The following ABCA9 variants were observed in gnomAD, a reference collection of about 807,000 sequenced individuals.
ABCA9 encodes the protein ATP-binding cassette sub-family A member 9.
ABCA9 carries 183 observed loss-of-function variants against 205.3 expected under a neutral mutation model. The observed-to-expected ratio is 0.89, with a 90% confidence interval of 0.79 to 1.01. The LOEUF (loss-of-function observed/expected upper bound fraction) is 1.01. Among genes scored for constraint, ABCA9 ranks in the 50% least tolerant of loss-of-function variants. ABCA9 has a pLI of 0.00. For synonymous variants in ABCA9, 651 were observed against 683.3 expected, an observed-to-expected ratio of 0.95 and a Z score of 0.74; for missense variants, 1,805 against 1,912.4, an observed-to-expected ratio of 0.94 and a Z score of 1.05.
In ABCA9 at chr17:69,021,789, T is replaced by C. The variant is rs17684521; in HGVS notation, c.2354A>G (p.Asn785Ser). 60,342 of 1,593,984 alleles carry C rather than the reference T, an allele frequency of 0.038. 1,473 individuals are homozygous for C. The highest frequency in any genetic ancestry group is 0.089 in the Admixed American group (5,225 of 58,476). Residue 785 changes from asparagine (N) to serine (S), a missense_variant, in exon 18 of 39, where the codon AAT becomes AGT. Asn to Ser is a conservative substitution (Grantham distance 46). Coordinates refer to ENST00000340001, the MANE Select transcript of ABCA9 (RefSeq NM_080283.4). ...EDYGVSITTLNEVFLKLEGKS... is the reference protein window; with the variant it reads ...EDYGVSITTLSEVFLKLEGKS... Reference sequence around the variant, plus strand: ...TCCTTCTAATTTCAGAAACACCTCATTCAAAGTTGTTATGGAAACACCATA... The same window carrying C: ...TCCTTCTAATTTCAGAAACACCTCACTCAAAGTTGTTATGGAAACACCATA...
chr17:68,987,283 A>G (rs1417066532), intron 31 of ABCA9, among the ~76,000 whole-genome samples: 1 of 152,174 alleles, frequency 6.6e-6, no homozygotes, highest in Non-Finnish European at 1.5e-5. Context: ...TTGATGCTAT[A>G]TTGTCTCCCC....
chr17:69,045,661 C>T (rs1045563449), intron 3 of ABCA9, among the ~76,000 whole-genome samples: 3 of 152,050 alleles, frequency 2.0e-5, no homozygotes, highest in Admixed American at 2.0e-4. Flanking sequence ...ACTCACAGTT[C>T]CCTATGACTG....
chr17:68,992,094 CTTAA>C (rs1598341116), intron 28 of ABCA9, 77 bp downstream of exon 28: 5 of 971,258 alleles, frequency 5.1e-6, no homozygotes, highest in South Asian at 3.7e-5. Context: ...GTGTCTTTTA[CTTAA>C]TTAATTCAGC....
At chr17:69,065,285 T>C (rs980584964), upstream of ABCA9, among the ~76,000 whole-genome samples, 5 of 152,242 alleles carry the variant, frequency 3.3e-5, no homozygotes, top group Non-Finnish European at 7.3e-5. Context: ...TCTTTTCTCT[T>C]GGAAGTTTAT....
At chr17:69,075,664 T>A in the ABCA9 span, among the ~76,000 whole-genome samples, 3 of 152,168 alleles carry the variant, frequency 2.0e-5, no homozygotes, top group African/African-American at 7.2e-5. Context: ...TAGTTTGAAG[T>A]CAAGTAATGT....
In ABCA9 at chr17:68,975,885, A is replaced by G. The variant is rs536084851; in HGVS notation, c.*30T>C. 1 of 1,505,948 alleles carries G rather than the reference A, an allele frequency of 6.6e-7. No individual in the cohort carries two copies. The highest frequency in any genetic ancestry group is 9.2e-7 in the Non-Finnish European group (1 of 1,088,838). 93.3% of individuals were successfully genotyped at this position (1,505,948 alleles called of 1,614,324 possible). A position where few individuals can be genotyped will look rare whatever the true frequency, so the allele number is the denominator to read the frequency against. On this transcript the variant is annotated 3_prime_UTR_variant, in exon 39 of 39. Transcript: ENST00000340001. ...ATATTATCTTTAAAAGAGTCACAGG[A>G]TTAAAGAAAGATATAGGGTATTTGG...
the ABCA9 span, among the ~76,000 whole-genome samples, chr17:69,067,960 A>G: frequency 6.6e-6 from 1 of 152,230 alleles, no homozygotes; most frequent in East Asian, 1.9e-4. Context: ...ACACTGGGAA[A>G]TCTTGGCTCC....
chr17:69,060,022 C>G (rs1389875330), intron 1 of ABCA9, among the ~76,000 whole-genome samples: 3 of 151,484 alleles, frequency 2.0e-5, no homozygotes, highest in Non-Finnish European at 4.4e-5. Flanking sequence ...GCCCACGTGA[C>G]TACTGTTCTT....
rs372545405 is a variant in ABCA9 at position 69,044,581 on chromosome 17, A to T, written c.489T>A (p.Asn163Lys). Residue 163 changes from asparagine to lysine, a missense_variant, in exon 5 of 39, where the codon AAT (asparagine) becomes AAA (lysine). Asn to Lys is a moderately conservative substitution (Grantham distance 94). Coordinates refer to ENST00000340001, the MANE Select transcript of ABCA9 (RefSeq NM_080283.4). ...RDHSAHCQAV[N>K]EKMKCEGSEF... ...CTGAACCTTCACACTTCATTTTTTC[A>T]TTCACTGCTTGACAGTGAGCTTTAG... 2 of 1,612,806 alleles carry T rather than the reference A, an allele frequency of 1.2e-6. No homozygotes were observed. Among genetic ancestry groups the T allele is most frequent in the Non-Finnish European group, 1.7e-6 (2 of 1,179,386 alleles).
intron 37 of ABCA9, among the ~76,000 whole-genome samples, chr17:68,980,847 T>C (rs2069029501): frequency 6.6e-6 from 1 of 150,872 alleles, no homozygotes; most frequent in Admixed American, 6.6e-5. Flanking sequence ...CACACCAACA[T>C]GGCACATATA....
At chr17:69,028,267 A>C (rs2071056756) in intron 12 of ABCA9, among the ~76,000 whole-genome samples, 1 of 152,112 alleles carries the variant, frequency 6.6e-6, no homozygotes, top group African/African-American at 2.4e-5. Flanking sequence ...CCCAGGTTCA[A>C]GTGATTCTCC....
chr17:69,048,336 T>C (rs1164249637), intron 3 of ABCA9, among the ~76,000 whole-genome samples: 1 of 152,202 alleles, frequency 6.6e-6, no homozygotes, highest in Non-Finnish European at 1.5e-5. Context: ...TTTTGGGTTT[T>C]AGAATTAGGG....
intron 6 of ABCA9, among the ~76,000 whole-genome samples, chr17:69,036,974 T>C (rs1366721456): frequency 6.2e-5 from 9 of 144,804 alleles, no homozygotes; most frequent in African/African-American, 2.3e-4. Context: ...AAGAAGGCCA[T>C]TACATAATGG....
Position 69,027,718 on chromosome 17 carries a change from A to G in ABCA9, c.1713T>C (p.Phe571=). The part of the protein sequence containing the change: ...TGFCPQSNVQ[F]GFLTVKENLR... ...GGTTTTCTTTCACAGTGAGAAATCC[A>G]AATTGCACATTGGATTGTGGACAAA... The change falls in exon 13 of 39, where the codon TTT becomes TTC. Residue 571 remains phenylalanine (F), a synonymous_variant. Transcript: ENST00000340001. 1 of 1,613,420 alleles carries G rather than the reference A, an allele frequency of 6.2e-7. No individual in the cohort carries two copies. Among genetic ancestry groups the G allele is most frequent in the South Asian group, 1.1e-5 (1 of 90,954 alleles).
intron 1 of ABCA9, among the ~76,000 whole-genome samples, chr17:69,057,509 A>C (rs913452687): frequency 7.1e-6 from 1 of 140,424 alleles, no homozygotes; most frequent in Non-Finnish European, 1.5e-5. Context: ...ACATGGGCCT[A>C]GGCTTTAGGA....
chr17:69,032,037 A>T, intron 10 of ABCA9, 71 bp downstream of exon 10: 1 of 1,446,172 alleles, frequency 6.9e-7, no homozygotes, highest in Non-Finnish European at 9.5e-7. Context: ...CTTTGCTCCT[A>T]GTGTGTCACC....
chr17:68,983,811 C>G lies in ABCA9; in HGVS notation c.4538G>C (p.Gly1513Ala), dbSNP rs1254844636. 1.9e-6 allele frequency: 3 copies of G among 1,614,052 alleles called. No individual in the cohort carries two copies. The highest frequency in any genetic ancestry group is 2.5e-6 in the Non-Finnish European group (3 of 1,180,018). ...GSIQHLKSKF[G>A]KDYLLEMKLK... is the part of the protein sequence containing the mutation. ...CTTCATCTCCAGCAGGTAGTCTTTG[C>G]CAAATTTGCTTTTCAGGTGTTGGAT... Residue 1513 changes from glycine (G) to alanine (A), a missense_variant, in exon 36 of 39, where the codon GGC (glycine) becomes GCC (alanine). By Grantham distance (60) the Gly-to-Ala change is moderately conservative. Transcript: ENST00000340001.
At chr17:69,036,919 C>T (rs940024702) in intron 6 of ABCA9, among the ~76,000 whole-genome samples, 1 of 117,370 alleles carries the variant, frequency 8.5e-6, no homozygotes, top group African/African-American at 3.3e-5. Context: ...CAATCCTAGT[C>T]TCTGATAAAA....
intron 22 of ABCA9, among the ~76,000 whole-genome samples, chr17:69,015,414 A>C (rs1208916242): frequency 6.6e-6 from 1 of 152,160 alleles, no homozygotes; most frequent in Non-Finnish European, 1.5e-5. Context: ...AAGACATAGA[A>C]GTGCACACCC....
Sources: allele counts gnomAD v4.1 joint callset (sites outside exome capture counted in the v4.1 genomes callset), GRCh38; gene constraint gnomAD v4.1.1; transcripts MANE v1.5; gene names NCBI Gene and HGNC (gene_info 2026-07-23, HGNC 2026-07-21).